Variants in PLXNA4 observed in about 807,000 individuals in gnomAD.
PLXNA4 encodes the protein plexin A4.
PLXNA4 carries 44 observed loss-of-function variants against 191.8 expected under a neutral mutation model. The observed-to-expected ratio is 0.23, with a 90% CI of 0.18 to 0.29. The LOEUF is 0.29. Among genes scored for constraint, PLXNA4 ranks in the 10% least tolerant of loss-of-function variants. PLXNA4 has a pLI of 1.00. For synonymous variants in PLXNA4, 1,082 were observed against 1,009.5 expected (o/e 1.07, Z -1.36); for missense variants, 1,800 against 2,488.8 (o/e 0.72, Z 5.89).
chr7:132,329,014 C>T (rs894541176), intron 3 of PLXNA4, among the ~76,000 whole-genome samples: 2 of 152,182 alleles, frequency 1.3e-5, no homozygotes, highest in African/African-American at 4.8e-5. Context: ...GGCACATCGA[C>T]ATCACTTTTT....
chr7:132,211,396 C>A (rs555752736), intron 9 of PLXNA4, among the ~76,000 whole-genome samples: 1 of 152,340 alleles, frequency 6.6e-6, no homozygotes, highest in South Asian at 2.1e-4. Flanking sequence ...CTTCCCTATG[C>A]AATCTGGATT....
At chr7:132,145,568 C>T (rs771098073) in intron 28 of PLXNA4, 31 of 435,628 alleles carry the variant, frequency 7.1e-5, no homozygotes, top group Non-Finnish European at 1.1e-4. Flanking sequence ...CACCCTCTGG[C>T]GGTGTTATTT....
intron 24 of PLXNA4, among the ~76,000 whole-genome samples, chr7:132,162,695 G>T (rs1049644924): frequency 2.0e-5 from 3 of 151,978 alleles, no homozygotes; most frequent in Admixed American, 2.0e-4. Context: ...CTTCCAAGCA[G>T]ACGGTAACTG....
chr7:132,559,921 A>C (rs1185751124), intron 1 of PLXNA4, among the ~76,000 whole-genome samples: 1 of 152,184 alleles, frequency 6.6e-6, no homozygotes, highest in Non-Finnish European at 1.5e-5. Flanking sequence ...TGAAGCAAAG[A>C]TATGAGAAAC....
chr7:132,634,418 T>C (rs1421071795), intron 2 of PLXNA4, among the ~76,000 whole-genome samples: 1 of 151,164 alleles, frequency 6.6e-6, no homozygotes, highest in African/African-American at 2.4e-5. Flanking sequence ...CTGGAGTGAG[T>C]AGGGGTCTGA....
chr7:132,255,355 C>A (rs1178390815), intron 4 of PLXNA4, among the ~76,000 whole-genome samples: 2 of 152,168 alleles, frequency 1.3e-5, no homozygotes, highest in Non-Finnish European at 2.9e-5. Context: ...GAAAGCTATG[C>A]AGATTAAATG....
chr7:132,131,546 G>T (rs146230180), intron 31 of PLXNA4, among the ~76,000 whole-genome samples: 8 of 152,142 alleles, frequency 5.3e-5, no homozygotes. Context: ...CAAGGGAGGC[G>T]CCCAGGGCTT....
chr7:132,562,552 CCTTCTCTTCCTCCTTT>C (rs1801255671), intron 1 of PLXNA4, among the ~76,000 whole-genome samples: 1 of 128,502 alleles, frequency 7.8e-6, no homozygotes, highest in African/African-American at 3.2e-5. Context: ...TCCTCCTCCT[CCTTCTCTTCCTCCTTT>C]CTCCTCCTCC....
intron 4 of PLXNA4, among the ~76,000 whole-genome samples, chr7:132,281,449 C>A (rs115943443): frequency 0.025 from 3,857 of 152,214 alleles, 63 homozygotes; most frequent in Middle Eastern, 0.044. Context: ...GGTCAAAATT[C>A]TCTGAAACTC....
intron 3 of PLXNA4, among the ~76,000 whole-genome samples, chr7:132,392,649 G>A (rs181301204): frequency 2.6e-5 from 4 of 152,342 alleles, no homozygotes; most frequent in East Asian, 1.9e-4. Flanking sequence ...GCTGAGCATC[G>A]CGCATTGCTG....
chr7:132,436,670 C>T (rs1026493961), intron 3 of PLXNA4, among the ~76,000 whole-genome samples: 10 of 152,198 alleles, frequency 6.6e-5, no homozygotes, highest in South Asian at 2.1e-4. Context: ...CTCTGAATTT[C>T]GGTGATGGCT....
At chr7:132,587,829 G>A (rs1327788158) in intron 2 of PLXNA4, among the ~76,000 whole-genome samples, 1 of 151,416 alleles carries the variant, frequency 6.6e-6, no homozygotes, top group African/African-American at 2.4e-5. Context: ...CTTGGTGCTG[G>A]TCCATATGAA....
chr7:132,462,852 T>C (rs1428260566), intron 3 of PLXNA4, among the ~76,000 whole-genome samples: 3 of 146,788 alleles, frequency 2.0e-5, no homozygotes, highest in Non-Finnish European at 4.5e-5. Flanking sequence ...TTTTTTTTTT[T>C]TTTTTTTTGT....
intron 3 of PLXNA4, among the ~76,000 whole-genome samples, chr7:132,324,028 G>A (rs4481530): frequency 0.076 from 11,492 of 152,190 alleles, 604 homozygotes; most frequent in African/African-American, 0.14. Context: ...AGAGACAGGC[G>A]AACAATGGGT....
At chr7:132,522,009 C>G (rs1799207248) in intron 1 of PLXNA4, among the ~76,000 whole-genome samples, 1 of 152,182 alleles carries the variant, frequency 6.6e-6, no homozygotes, top group Admixed American at 6.5e-5. Flanking sequence ...CTTTCAGGAC[C>G]TGCTCAGAAG....
chr7:132,306,088 C>G lies in PLXNA4; in HGVS notation c.1372-7866G>C, dbSNP rs552346083. Among the ~76,000 whole-genome samples, 38 of 152,218 alleles carry G rather than the reference C, an allele frequency of 2.5e-4. No homozygotes were observed. In the South Asian group the frequency reaches 5.6e-3, roughly 23 times the overall value. ...CTCAAACACAGAGGCACGTGGCAAACCAGCTGGTGGTCAGGACAGAAGGAG... is the reference window on the plus strand; with the variant it reads ...CTCAAACACAGAGGCACGTGGCAAAGCAGCTGGTGGTCAGGACAGAAGGAG... On this transcript the variant is annotated intron_variant, in intron 3 of 31. Coordinates refer to ENST00000321063, the MANE Select transcript of PLXNA4 (RefSeq NM_020911.2).
chr7:132,351,799 C>A (rs1257594216), intron 3 of PLXNA4, among the ~76,000 whole-genome samples: 1 of 152,128 alleles, frequency 6.6e-6, no homozygotes, highest in Non-Finnish European at 1.5e-5. Flanking sequence ...GGAAGATGCG[C>A]CCACCTCCTG....
At chr7:132,547,008 G>A (rs1039965741) in intron 1 of PLXNA4, among the ~76,000 whole-genome samples, 1 of 152,154 alleles carries the variant, frequency 6.6e-6, no homozygotes, top group Non-Finnish European at 1.5e-5. Context: ...CAAGTGGCCT[G>A]AAAAATACAT....
At chr7:132,630,996 A>C (rs924340994) in intron 2 of PLXNA4, among the ~76,000 whole-genome samples, 1 of 152,220 alleles carries the variant, frequency 6.6e-6, no homozygotes, top group Admixed American at 6.5e-5. Context: ...AGAACTTTCA[A>C]ACTTTTAAAC....
Sources: gnomAD v4.1 joint callset for allele counts (sites outside exome capture counted in the v4.1 genomes callset) on GRCh38, gnomAD v4.1.1 for gene constraint, MANE v1.5 for transcripts, NCBI Gene and HGNC (gene_info 2026-07-23, HGNC 2026-07-21) for gene names.